Variants in CELSR3 observed in about 807,000 individuals in gnomAD.
CELSR3 encodes the protein cadherin EGF LAG seven-pass G-type receptor 3.
A neutral mutation model predicts 270.0 loss-of-function variants in CELSR3; 73 were observed. That is an observed-to-expected ratio of 0.27 (90% CI 0.22 to 0.33). The LOEUF (loss-of-function observed/expected upper bound fraction) is 0.33, where lower values mean the gene tolerates loss of function less well. Ranked by LOEUF, CELSR3 falls within the 10% of genes least tolerant of loss-of-function variation. The pLI is 1.00. For synonymous variants in CELSR3, 1,780 were observed against 1,905.4 expected (o/e 0.93, Z 1.71); for missense variants, 3,614 against 4,533.8 (o/e 0.80, Z 5.83).
Position 48,646,632 on chromosome 3 carries a change from C to G in CELSR3, c.7295+131G>C. On this transcript the variant is annotated intron_variant, in intron 21 of 34. Coordinates refer to ENST00000164024, the MANE Select transcript of CELSR3 (RefSeq NM_001407.3). The surrounding 1 kb of genome is among the most constrained non-coding windows in gnomAD (Gnocchi z 4.8). The stretch of plus-strand genomic sequence containing the variant: ...TCCAGAGAATAAGATTCACACAGAA[C>G]CCGGCAAGGATGGGGCTCCCTGGAG... The G allele has an allele frequency of 2.1e-6, 2 of 931,900 alleles. No homozygotes were observed. 57.7% of individuals were successfully genotyped at this position (931,900 alleles called of 1,614,324 possible).
Position 48,655,754 on chromosome 3 carries a change from G to C in CELSR3, c.4723C>G (p.Arg1575Gly). 6.2e-7 allele frequency: 1 copy of C among 1,613,400 alleles called. No homozygotes were observed. Among genetic ancestry groups the C allele is most frequent in the Non-Finnish European group, 8.5e-7 (1 of 1,179,822 alleles). ...CACCCACCCGTGGAATATGTGAGCC[G>C]CACTTGGCCAGCCACGAGTTCCAGG... ...LALELVAGQV[R>G]LTYSTGESNT... Residue 1575 changes from arginine (R) to glycine (G), a missense_variant, in exon 4 of 35, where the codon CGG (arginine) becomes GGG (glycine). By Grantham distance (125) the Arg-to-Gly change is moderately radical. This residue lies in a region of CELSR3 where 1,331 missense variants were observed against 1,933.7 expected (regional missense o/e 0.69). Coordinates refer to ENST00000164024, the MANE Select transcript of CELSR3 (RefSeq NM_001407.3). The surrounding 1 kb of genome is among the most constrained non-coding windows in gnomAD (Gnocchi z 5.8).
At position 48,652,582 on chromosome 3, in the gene CELSR3, G is replaced by T; in HGVS notation, c.5635-29C>A. On this transcript the variant is annotated intron_variant, in intron 10 of 34. Coordinates refer to ENST00000164024, the MANE Select transcript of CELSR3 (RefSeq NM_001407.3). The surrounding 1 kb of genome is among the most constrained non-coding windows in gnomAD (Gnocchi z 4.3). ...GAGGAAGTGGGGCAGTCAGCACTGA[G>T]GGAGAGGGGCCTGATGAACCCCTGT... 6.5e-7 allele frequency: 1 copy of T among 1,538,696 alleles called. No homozygotes were observed. The highest frequency in any genetic ancestry group is 8.9e-7 in the Non-Finnish European group (1 of 1,125,814).
Position 48,652,487 on chromosome 3 carries a change from G to A in CELSR3, c.5701C>T (p.Pro1901Ser), listed in dbSNP as rs771966152. 1 of 1,613,702 alleles carries A rather than the reference G, an allele frequency of 6.2e-7. No individual in the cohort carries two copies. Among genetic ancestry groups the A allele is most frequent in the Admixed American group, 1.7e-5 (1 of 60,012 alleles). The part of the protein sequence containing the change: ...KVKQLHVGGL[P>S]PGSAEEAPQG... Reference sequence around the variant, plus strand: ...GGAGCCTCCTCTGCACTGCCGGGGGGCAGGCCTCCCACGTGGAGCTGCTTT... The same window carrying A: ...GGAGCCTCCTCTGCACTGCCGGGGGACAGGCCTCCCACGTGGAGCTGCTTT... The change falls in exon 11 of 35, where the codon CCC becomes TCC. Residue 1901 changes from proline to serine, a missense_variant. Around this residue, in one of 7 missense-constraint regions of CELSR3, gnomAD observed 1,331 missense variants for 1,933.7 expected, o/e 0.69. Coordinates refer to ENST00000164024, the MANE Select transcript of CELSR3 (RefSeq NM_001407.3). The surrounding 1 kb of genome is among the most constrained non-coding windows in gnomAD (Gnocchi z 4.3).
rs1442953679 is a variant in CELSR3, at chr3:48,649,222, G to A, written c.6473-7C>T. ...CACAGCCGCACAGCAGCACCTGGAG[G>A]CAGGCAACCCCTGGTCAGGCCTGGG... On this transcript the variant is annotated splice_polypyrimidine_tract_variant and splice_region_variant and intron_variant, in intron 16 of 34. Transcript: ENST00000164024. 6.2e-7 allele frequency: 1 copy of A among 1,605,958 alleles called. No homozygotes were observed. Among genetic ancestry groups the A allele is most frequent in the African/African-American group, 1.3e-5 (1 of 74,814 alleles).
At position 48,654,770 on chromosome 3, in the gene CELSR3, G is replaced by A. The variant is rs944135877; in HGVS notation, c.4988+274C>T. 1.3e-5 allele frequency among the ~76,000 whole-genome samples: 2 copies of A among 152,002 alleles called. No homozygotes were observed. The highest frequency in any genetic ancestry group is 4.8e-5 in the African/African-American group (2 of 41,380). On this transcript the variant is annotated intron_variant, in intron 6 of 34. Coordinates refer to ENST00000164024, the MANE Select transcript of CELSR3 (RefSeq NM_001407.3). This position sits in a 1 kb window ranked among gnomAD's most constrained non-coding sequence, Gnocchi z 5.4. ...TGGACATGAGATGAAGGGACTCGGA[G>A]GGGATGTGGGACATTAGTGAGACTG... is the stretch of plus-strand genomic sequence containing the variant.
chr3:48,651,753 C>T lies in CELSR3; in HGVS notation c.5924-35G>A. 6.5e-7 allele frequency: 1 copy of T among 1,533,644 alleles called. No homozygotes were observed. The highest frequency in any genetic ancestry group is 8.8e-7 in the Non-Finnish European group (1 of 1,142,794). Reference sequence around the variant, plus strand: ...GGGTCAGAAAGCTCAGGATCCTGGTCGCAGAGCATGGAAGGAAGCAGGCAC... The same window carrying T: ...GGGTCAGAAAGCTCAGGATCCTGGTTGCAGAGCATGGAAGGAAGCAGGCAC... On this transcript the variant is annotated intron_variant, in intron 12 of 34. Transcript: ENST00000164024. This position sits in a 1 kb window ranked among gnomAD's most constrained non-coding sequence, Gnocchi z 7.4.
At position 48,657,380 on chromosome 3, in the gene CELSR3, TG is replaced by T. The variant is rs1363944698; in HGVS notation, c.3749-33del. On this transcript the variant is annotated intron_variant, in intron 1 of 34. Coordinates refer to ENST00000164024, the MANE Select transcript of CELSR3 (RefSeq NM_001407.3). This position sits in a 1 kb window ranked among gnomAD's most constrained non-coding sequence, Gnocchi z 5.4. ...GCGGGGGCAGGGGCAGTGGTCATCC[TG>T]GGGACAGTGGCCACCCCTCCCTGGG... The T allele has an allele frequency of 1.3e-6, 2 of 1,527,954 alleles. No homozygotes were observed. Among genetic ancestry groups the T allele is most frequent in the South Asian group, 1.2e-5 (1 of 80,466 alleles). The allele number at this position is 1,527,954 out of a possible 1,614,324, so 94.6% of individuals were successfully genotyped here.
Position 48,641,912 on chromosome 3 carries a change from C to T in CELSR3, c.8763G>A (p.Gly2921=). The T allele has an allele frequency of 6.3e-7, 1 of 1,592,686 alleles. No homozygotes were observed. Residue 2921 remains glycine, a synonymous_variant, in exon 32 of 35, where the codon GGG becomes GGA. Coordinates refer to ENST00000164024, the MANE Select transcript of CELSR3 (RefSeq NM_001407.3). This position sits in a 1 kb window ranked among gnomAD's most constrained non-coding sequence, Gnocchi z 4.8. ...CTCGGCAGAGTGGCCGTTGGAAGCG[C>T]CCCCGCGTCCGGCCATTGTCCTCGC... ...SESEDNGRTR[G]RFQRPLCRAA... is the part of the protein sequence containing the mutation.
In CELSR3 at chr3:48,655,191, T is replaced by A. The variant is rs757444649; in HGVS notation, c.4841A>T (p.Asp1614Val). 2 of 1,613,890 alleles carry A rather than the reference T, an allele frequency of 1.2e-6. No individual in the cohort carries two copies. The highest frequency in any genetic ancestry group is 1.1e-5 in the South Asian group (1 of 91,082). Residue 1614 changes from aspartate to valine, a missense_variant, in exon 6 of 35, where the codon GAT becomes GTT. Transcript: ENST00000164024. The surrounding 1 kb of genome is among the most constrained non-coding windows in gnomAD (Gnocchi z 5.8). ...GGGGCCCTGTGCACCCCCTAGGGCA[T>A]CTGTCCGGGGCTGAAGACGCAGGCA... ...HLRYYNKPRT[D>V]ALGGAQGPSK...
chr3:48,642,240 G>A lies in CELSR3; in HGVS notation c.8665+118C>T. ...AGAGGTAGGTGCCTCCTGAGGCAGGGACCCTGGGGGAGATCGTCCCACCCC... is the reference window on the plus strand; with the variant it reads ...AGAGGTAGGTGCCTCCTGAGGCAGGAACCCTGGGGGAGATCGTCCCACCCC... On this transcript the variant is annotated intron_variant, in intron 31 of 34. Coordinates refer to ENST00000164024, the MANE Select transcript of CELSR3 (RefSeq NM_001407.3). The surrounding 1 kb of genome is among the most constrained non-coding windows in gnomAD (Gnocchi z 6.1). 5.3e-6 allele frequency: 6 copies of A among 1,137,360 alleles called. No homozygotes were observed. The highest frequency in any genetic ancestry group is 7.3e-6 in the Non-Finnish European group (6 of 818,106). 70.5% of individuals were successfully genotyped at this position (1,137,360 alleles called of 1,614,324 possible).
At position 48,657,456 on chromosome 3, in the gene CELSR3, G is replaced by A. The variant is rs2077032981; in HGVS notation, c.3749-108C>T. On this transcript the variant is annotated intron_variant, in intron 1 of 34. Transcript: ENST00000164024. This position sits in a 1 kb window ranked among gnomAD's most constrained non-coding sequence, Gnocchi z 5.4. ...TAGCCTAGGCCCCCAGAACCTCTAA[G>A]TCAGCAGGCTGACCCCACCAGGACA... 5 of 1,209,478 alleles carry A rather than the reference G, an allele frequency of 4.1e-6. No homozygotes were observed. The highest frequency in any genetic ancestry group is 2.9e-4 in the Middle Eastern group (1 of 3,468). The allele number at this position is 1,209,478 out of a possible 1,614,324, so 74.9% of individuals were successfully genotyped here.
rs1021504804 is a variant in CELSR3 at position 48,660,972 on chromosome 3, G to T, written c.1663C>A (p.Arg555Ser). 4 of 1,613,782 alleles carry T rather than the reference G, an allele frequency of 2.5e-6. No homozygotes were observed. The highest frequency in any genetic ancestry group is 1.1e-5 in the South Asian group (1 of 91,092). ...ACTGTGTGGGGGCGCACATCCTCGC[G>T]CACCTGCGCCACGTAGCGCTTCTCG... Reference protein sequence around the residue: ...FSEKRYVAQVREDVRPHTVVL... With the variant: ...FSEKRYVAQVSEDVRPHTVVL... The change falls in exon 1 of 35, where the codon CGC becomes AGC. Residue 555 changes from arginine to serine, a missense_variant. Coordinates refer to ENST00000164024, the MANE Select transcript of CELSR3 (RefSeq NM_001407.3). This position sits in a 1 kb window ranked among gnomAD's most constrained non-coding sequence, Gnocchi z 5.5.
chr3:48,650,751 A>C lies in CELSR3; in HGVS notation c.6370+141T>G. 1.8e-6 allele frequency: 2 copies of C among 1,090,144 alleles called. No individual in the cohort carries two copies. Among genetic ancestry groups the C allele is most frequent in the Non-Finnish European group, 2.6e-6 (2 of 766,746 alleles). The allele number at this position is 1,090,144 out of a possible 1,614,324, so 67.5% of individuals were successfully genotyped here. A position where few individuals can be genotyped will look rare whatever the true frequency, so the allele number is the denominator to read the frequency against. On this transcript the variant is annotated intron_variant, in intron 15 of 34. Transcript: ENST00000164024. This position sits in a 1 kb window ranked among gnomAD's most constrained non-coding sequence, Gnocchi z 5.1. Reference sequence around the variant, plus strand: ...ACAGGTCAGCAAAGTACTTGGGGCAAAGGTAGGGTTCCCTGGGTGTAAGTG... The same window carrying C: ...ACAGGTCAGCAAAGTACTTGGGGCACAGGTAGGGTTCCCTGGGTGTAAGTG...
At position 48,662,727 on chromosome 3, in the gene CELSR3, G is replaced by T; in HGVS notation, c.-93C>A. 1 of 363,040 alleles carries T rather than the reference G, an allele frequency of 2.8e-6. No individual in the cohort carries two copies. The highest frequency in any genetic ancestry group is 4.2e-6 in the Non-Finnish European group (1 of 237,860). 22.5% of individuals were successfully genotyped at this position (363,040 alleles called of 1,614,324 possible). On this transcript the variant is annotated 5_prime_UTR_variant, in exon 1 of 35. Coordinates refer to ENST00000164024, the MANE Select transcript of CELSR3 (RefSeq NM_001407.3). The surrounding 1 kb of genome is among the most constrained non-coding windows in gnomAD (Gnocchi z 7.1). ...TCGGGCCCCCTCCCGGGCCCCTGCC[G>T]CCGCCCCGGGCCCCCGCCCCTCCGC...
chr3:48,643,834 G>T, intron 27 of CELSR3, 157 bp from the exon 28 acceptor site: 1 of 814,802 alleles, frequency 1.2e-6, no homozygotes, highest in Non-Finnish European at 1.9e-6. Context: ...TGGGGGAGAT[G>T]GGAGGTCCCA....
At position 48,639,653 on chromosome 3, in the gene CELSR3, A is replaced by T; in HGVS notation, c.9911+21T>A. On this transcript the variant is annotated intron_variant, in intron 34 of 34. Coordinates refer to ENST00000164024, the MANE Select transcript of CELSR3 (RefSeq NM_001407.3). This position sits in a 1 kb window ranked among gnomAD's most constrained non-coding sequence, Gnocchi z 4.1. ...GCCCTAAGCTGATGAGGGTGCAAGCAGGTGGCTGGACCATACTTACTCTGA... is the reference window on the plus strand; with the variant it reads ...GCCCTAAGCTGATGAGGGTGCAAGCTGGTGGCTGGACCATACTTACTCTGA... The T allele has an allele frequency of 6.2e-7, 1 of 1,611,704 alleles. No homozygotes were observed. The highest frequency in any genetic ancestry group is 8.5e-7 in the Non-Finnish European group (1 of 1,178,886).
chr3:48,662,754 T>TGTCTCTCCGCACCCCCGCCGCCC lies in CELSR3; in HGVS notation c.-143_-121dup, dbSNP rs2077079843. 2 of 240,530 alleles carry TGTCTCTCCGCACCCCCGCCGCCC rather than the reference T, an allele frequency of 8.3e-6. No homozygotes were observed. Among genetic ancestry groups the TGTCTCTCCGCACCCCCGCCGCCC allele is most frequent in the African/African-American group, 1.1e-4 (2 of 18,330 alleles). The allele number at this position is 240,530 out of a possible 1,614,324, so 14.9% of individuals were successfully genotyped here. On this transcript the variant is annotated 5_prime_UTR_variant, in exon 1 of 35. Coordinates refer to ENST00000164024, the MANE Select transcript of CELSR3 (RefSeq NM_001407.3). The surrounding 1 kb of genome is among the most constrained non-coding windows in gnomAD (Gnocchi z 7.1). ...CGCCCCGGGCCCCCGCCCCTCCGCC[T>TGTCTCTCCGCACCCCCGCCGCCC]GTCTCTCCGCACCCCCGCCGCCCTC...
chr3:48,657,372 G>A lies in CELSR3; in HGVS notation c.3749-24C>T. On this transcript the variant is annotated intron_variant, in intron 1 of 34. Coordinates refer to ENST00000164024, the MANE Select transcript of CELSR3 (RefSeq NM_001407.3). The surrounding 1 kb of genome is among the most constrained non-coding windows in gnomAD (Gnocchi z 5.4). ...ATCTGCAGGCGGGGGCAGGGGCAGT[G>A]GTCATCCTGGGGACAGTGGCCACCC... The A allele has an allele frequency of 6.5e-7, 1 of 1,548,296 alleles. No homozygotes were observed. Among genetic ancestry groups the A allele is most frequent in the Non-Finnish European group, 8.7e-7 (1 of 1,148,392 alleles).
At position 48,660,011 on chromosome 3, in the gene CELSR3, C is replaced by T. The variant is rs1205128717; in HGVS notation, c.2624G>A (p.Ser875Asn). ...AGAGGCACTGATGACCACTATGGTG[C>T]TACCCATTGGCCGATCTTCATTCAC... is the stretch of plus-strand genomic sequence containing the variant. ...VSVNEDRPMG[S>N]TIVVISASDD... The change falls in exon 1 of 35, where the codon AGC becomes AAC. Residue 875 changes from serine (S) to asparagine (N), a missense_variant. Ser to Asn is a conservative substitution (Grantham distance 46, BLOSUM62 1). Transcript: ENST00000164024. This position sits in a 1 kb window ranked among gnomAD's most constrained non-coding sequence, Gnocchi z 5.5. The T allele has an allele frequency of 6.2e-7, 1 of 1,614,092 alleles. No homozygotes were observed. Among genetic ancestry groups the T allele is most frequent in the East Asian group, 2.2e-5 (1 of 44,892 alleles).
Sources: allele counts gnomAD v4.1 joint callset (sites outside exome capture counted in the v4.1 genomes callset), GRCh38; gene constraint gnomAD v4.1.1; regional missense constraint gnomAD v4.1.1; non-coding constraint Gnocchi (gnomAD v3.1); transcripts MANE v1.5; gene names NCBI Gene and HGNC (gene_info 2026-07-23, HGNC 2026-07-21).